Variants in LRP2 observed in about 807,000 individuals in gnomAD.
LRP2 encodes low-density lipoprotein receptor-related protein 2.
A neutral mutation model predicts 531.0 loss-of-function variants in LRP2; 172 were observed. The ratio of observed to expected loss-of-function variants is 0.32; its 90% CI spans 0.29 to 0.37. The LOEUF is 0.37. LRP2 is among the 10% of genes least tolerant of loss of function. LRP2 has a pLI of 1.00. For synonymous variants in LRP2, 1,992 were observed against 2,027.6 expected (o/e 0.98, Z 0.47); for missense variants, 5,167 against 5,868.3 (o/e 0.88, Z 3.90).
intron 2 of LRP2, 150 bp downstream of exon 2, chr2:169,320,627 C>A: frequency 1.4e-6 from 1 of 708,312 alleles, no homozygotes; most frequent in Admixed American, 2.1e-5. Flanking sequence ...GCCATCAGTT[C>A]TCTATTCAAC....
chr2:169,206,092 T>A lies in LRP2; in HGVS notation c.7487A>T (p.Asp2496Val). ...LNQMINSMAEDGSNRTVIARV... is the reference protein window; with the variant it reads ...LNQMINSMAEVGSNRTVIARV... Reference sequence around the variant, plus strand: ...GGCTATCACAGTGCGGTTAGACCCATCTTCAGCCATGGAATTAATCATCTG... The same window carrying A: ...GGCTATCACAGTGCGGTTAGACCCAACTTCAGCCATGGAATTAATCATCTG... The change falls in exon 40 of 79, where the codon GAT becomes GTT. Residue 2496 changes from aspartate to valine, a missense_variant. Around this residue, in one of 6 missense-constraint regions of LRP2, gnomAD observed 1,129 missense variants for 1,362.7 expected, o/e 0.83. Coordinates refer to ENST00000649046, the MANE Select transcript of LRP2 (RefSeq NM_004525.3). 1 of 1,614,262 alleles carries A rather than the reference T, an allele frequency of 6.2e-7. No individual in the cohort carries two copies. Among genetic ancestry groups the A allele is most frequent in the Non-Finnish European group, 8.5e-7 (1 of 1,180,042 alleles).
At chr2:169,273,878 T>A (rs1165939530) in intron 14 of LRP2, among the ~76,000 whole-genome samples, 1 of 152,192 alleles carries the variant, frequency 6.6e-6, no homozygotes, top group Non-Finnish European at 1.5e-5. Flanking sequence ...ATGGATCTAA[T>A]GTGAGGGCAG....
intron 29 of LRP2, among the ~76,000 whole-genome samples, chr2:169,235,390 C>T (rs376492322): frequency 7.9e-4 from 120 of 152,136 alleles, no homozygotes; most frequent in African/African-American, 2.2e-3. Flanking sequence ...TAGGTGTGTG[C>T]TACCACACTG....
At chr2:169,139,464 G>T in intron 73 of LRP2, 79 bp downstream of exon 73, 1 of 1,612,632 alleles carries the variant, frequency 6.2e-7, no homozygotes, top group Non-Finnish European at 8.5e-7. Flanking sequence ...CAAAGACTGG[G>T]TTAAGTAGAA....
At position 169,289,114 on chromosome 2, in the gene LRP2, C is replaced by T; in HGVS notation, c.954G>A (p.Gln318=). 1 of 1,614,122 alleles carries T rather than the reference C, an allele frequency of 6.2e-7. No homozygotes were observed. Among genetic ancestry groups the T allele is most frequent in the Non-Finnish European group, 8.5e-7 (1 of 1,179,978 alleles). ...CATACGGCGTCTCATGGCACTGGTACTGGCAGTTCAAGGCAGAGCACAGAG... is the reference window on the plus strand; with the variant it reads ...CATACGGCGTCTCATGGCACTGGTATTGGCAGTTCAAGGCAGAGCACAGAG... The part of the protein sequence containing the change: ...SMTLCSALNC[Q]YQCHETPYGG... The change falls in exon 9 of 79, where the codon CAG becomes CAA. Residue 318 remains glutamine, a synonymous_variant. Transcript: ENST00000649046.
At chr2:169,174,284 A>G (rs1574096732) in intron 55 of LRP2, 120 bp from the exon 56 acceptor site, 2 of 1,240,294 alleles carry the variant, frequency 1.6e-6, no homozygotes, top group East Asian at 4.9e-5. Flanking sequence ...TTATTTCCTA[A>G]TGTACTTATC....
intron 7 of LRP2, 61 bp downstream of exon 7, chr2:169,292,192 A>AG: frequency 7.9e-7 from 1 of 1,270,016 alleles, no homozygotes; most frequent in Non-Finnish European, 1.2e-6. Context: ...AGGAGAAAAA[A>AG]CAAGCGCTGG....
In LRP2 at chr2:169,188,079, G is replaced by A. The variant is rs777274692; in HGVS notation, c.9219C>T (p.Pro3073=). ...ELMHLCHTPE[P]TCPPHEFKCD... is the part of the protein sequence containing the mutation. ...ACTTGAACTCGTGAGGTGGACACGT[G>A]GGTTCTGGGGTGTGGCACAGGTGCA... Residue 3073 remains proline (P), a synonymous_variant, in exon 49 of 79, where the codon CCC becomes CCT. Coordinates refer to ENST00000649046, the MANE Select transcript of LRP2 (RefSeq NM_004525.3). 6.2e-7 allele frequency: 1 copy of A among 1,614,070 alleles called. No individual in the cohort carries two copies. The highest frequency in any genetic ancestry group is 2.2e-5 in the East Asian group (1 of 44,882).
chr2:169,199,894 G>T (rs925545133), intron 44 of LRP2, among the ~76,000 whole-genome samples: 2 of 152,196 alleles, frequency 1.3e-5, no homozygotes, highest in African/African-American at 4.8e-5. Flanking sequence ...AAGAAGAGAT[G>T]TCATTATAAA....
intron 47 of LRP2, among the ~76,000 whole-genome samples, 198 bp downstream of exon 47, chr2:169,193,561 TAA>T (rs1559007465): frequency 6.6e-6 from 1 of 150,696 alleles, no homozygotes; most frequent in Non-Finnish European, 1.5e-5. Flanking sequence ...AAAGTAAACA[TAA>T]AGTCATTTTT....
At chr2:169,352,860 C>T (rs1685889606) in intron 1 of LRP2, among the ~76,000 whole-genome samples, 6 of 150,612 alleles carry the variant, frequency 4.0e-5, no homozygotes, top group Admixed American at 4.0e-4. Context: ...CATCACACAC[C>T]GGGGCCTGTC....
intron 19 of LRP2, among the ~76,000 whole-genome samples, chr2:169,254,846 A>C (rs1324764782): frequency 1.3e-5 from 2 of 152,000 alleles, no homozygotes; most frequent in African/African-American, 4.8e-5. Context: ...TCTATGTGAC[A>C]GCAAATAGCA....
chr2:169,221,202 G>A (rs1027996770), intron 33 of LRP2, among the ~76,000 whole-genome samples: 1 of 152,184 alleles, frequency 6.6e-6, no homozygotes, highest in African/African-American at 2.4e-5. Context: ...TACAGGTAAA[G>A]CAGCACACCA....
At chr2:169,255,390 C>T (rs1010751319) in intron 19 of LRP2, among the ~76,000 whole-genome samples, 3 of 152,156 alleles carry the variant, frequency 2.0e-5, no homozygotes, top group African/African-American at 7.2e-5. Context: ...CAACTCACAG[C>T]AGCATGCCTG....
intron 76 of LRP2, among the ~76,000 whole-genome samples, chr2:169,132,991 C>G (rs902992075): frequency 3.1e-4 from 47 of 152,196 alleles, no homozygotes; most frequent in Admixed American, 3.1e-3. Context: ...CTTACTCCCA[C>G]TGTTGACCAA....
intron 13 of LRP2, among the ~76,000 whole-genome samples, chr2:169,276,245 T>A (rs1439715532): frequency 2.0e-5 from 3 of 152,172 alleles, no homozygotes; most frequent in Non-Finnish European, 4.4e-5. Context: ...AAACCCTGAA[T>A]GCCACCTGCT....
At chr2:169,329,543 G>A (rs1685208861) in intron 1 of LRP2, among the ~76,000 whole-genome samples, 1 of 152,216 alleles carries the variant, frequency 6.6e-6, no homozygotes, top group Non-Finnish European at 1.5e-5. Flanking sequence ...AAATGAGTAT[G>A]AGGGTGATTA....
In LRP2 at chr2:169,241,107, G is replaced by A. The variant is rs1395265159; in HGVS notation, c.3926C>T (p.Pro1309Leu). The change falls in exon 25 of 79, where the codon CCC becomes CTC. Residue 1309 changes from proline (P) to leucine (L), a missense_variant. Around this residue, in one of 6 missense-constraint regions of LRP2, gnomAD observed 2,811 missense variants for 3,058.0 expected, o/e 0.92. Coordinates refer to ENST00000649046, the MANE Select transcript of LRP2 (RefSeq NM_004525.3). ...MSDEKDCPTQ[P>L]FRCPSWQWQC... ...CCATTGCCAACTAGGACAGCGAAAG[G>A]GCTGAGTAGGGCAGTCCTTCTCATC... The A allele has an allele frequency of 6.2e-7, 1 of 1,613,794 alleles. No homozygotes were observed. The highest frequency in any genetic ancestry group is 8.5e-7 in the Non-Finnish European group (1 of 1,179,844).
At chr2:169,277,242 T>C (rs831002) in intron 13 of LRP2, among the ~76,000 whole-genome samples, 119,939 of 149,894 alleles carry the variant, frequency 0.8, 48,140 homozygotes, top group East Asian at 0.93. Flanking sequence ...CAAATATTGC[T>C]GTTTAAGTAT....
Sources: allele counts gnomAD v4.1 joint callset (sites outside exome capture counted in the v4.1 genomes callset), GRCh38; gene constraint gnomAD v4.1.1; regional missense constraint gnomAD v4.1.1; transcripts MANE v1.5; gene names NCBI Gene and HGNC (gene_info 2026-07-23, HGNC 2026-07-21).